The following SLC22A11 variants were observed in gnomAD, a reference collection of about 807,000 sequenced individuals.
SLC22A11 encodes organic anion transporter 4.
A neutral mutation model predicts 49.4 loss-of-function variants in SLC22A11; 42 were observed. That is an observed-to-expected ratio of 0.85 (90% CI 0.66 to 1.10). The LOEUF (loss-of-function observed/expected upper bound fraction) is 1.10, where lower values mean the gene tolerates loss of function less well. SLC22A11 is among the 50% of genes least tolerant of loss of function. SLC22A11 has a pLI of 0.00. For synonymous variants in SLC22A11, 304 were observed against 315.8 expected, an observed-to-expected ratio of 0.96 and a Z score of 0.40; for missense variants, 685 against 731.6, an observed-to-expected ratio of 0.94 and a Z score of 0.74.
chr11:64,558,095 G>T (rs577596734), intron 1 of SLC22A11, among the ~76,000 whole-genome samples: 3 of 152,238 alleles, frequency 2.0e-5, no homozygotes, highest in African/African-American at 7.2e-5. Context: ...ACCACGCTTG[G>T]TCTAATTTTT....
chr11:64,562,128 G>A lies in SLC22A11; in HGVS notation c.622G>A (p.Ala208Thr). 1 of 1,613,836 alleles carries A rather than the reference G, an allele frequency of 6.2e-7. No individual in the cohort carries two copies. The highest frequency in any genetic ancestry group is 8.5e-7 in the Non-Finnish European group (1 of 1,180,000). Reference protein sequence around the residue: ...GLRFVAAFGMAGIFLSSLTLM... With the variant: ...GLRFVAAFGMTGIFLSSLTLM... ...GCGGTTCGTGGCCGCTTTTGGGATG[G>A]CCGGCATCTTTCTGAGTTCACTGAC... Residue 208 changes from alanine to threonine, a missense_variant, in exon 3 of 10, where the codon GCC becomes ACC. Transcript: ENST00000301891. The surrounding 1 kb of genome is among the most constrained non-coding windows in gnomAD (Gnocchi z 4.4).
intron 9 of SLC22A11, 92 bp from the exon 10 acceptor site, chr11:64,570,887 C>G: frequency 8.2e-7 from 1 of 1,221,550 alleles, no homozygotes; most frequent in South Asian, 1.2e-5. Context: ...ATAGAGTTTA[C>G]CCCCCAATAA....
At chr11:64,568,997 CAG>C (rs1491392465) in intron 8 of SLC22A11, among the ~76,000 whole-genome samples, 3 of 152,172 alleles carry the variant, frequency 2.0e-5, no homozygotes, top group Non-Finnish European at 4.4e-5. Context: ...TTTTGAGCCA[CAG>C]AGTCATCTGT....
Position 64,562,237 on chromosome 11 carries a change from G to A in SLC22A11, c.653-30G>A, listed in dbSNP as rs781446103. On this transcript the variant is annotated intron_variant, in intron 3 of 9. Transcript: ENST00000301891. This position sits in a 1 kb window ranked among gnomAD's most constrained non-coding sequence, Gnocchi z 4.4. ...AATGGGGCTCAGGCCGCCGCATGAGGCCTCACCTGCACGTGTCTGCATCCT... is the reference window on the plus strand; with the variant it reads ...AATGGGGCTCAGGCCGCCGCATGAGACCTCACCTGCACGTGTCTGCATCCT... The A allele has an allele frequency of 2.5e-6, 4 of 1,600,732 alleles. No homozygotes were observed. The highest frequency in any genetic ancestry group is 3.4e-6 in the Non-Finnish European group (4 of 1,171,206).
intron 1 of SLC22A11, among the ~76,000 whole-genome samples, chr11:64,558,889 AG>A (rs1181401854): frequency 6.6e-6 from 1 of 152,126 alleles, no homozygotes; most frequent in Non-Finnish European, 1.5e-5. Flanking sequence ...CCTCTGCATG[AG>A]GGGGGCCACT....
At chr11:64,570,342 G>A (rs767446920) in intron 9 of SLC22A11, among the ~76,000 whole-genome samples, 6 of 152,198 alleles carry the variant, frequency 3.9e-5, no homozygotes, top group African/African-American at 7.2e-5. Flanking sequence ...TCTTTGACAG[G>A]GAGAAATGAG....
chr11:64,571,998 C>T lies in SLC22A11; in HGVS notation c.*956C>T, dbSNP rs1390441396. Reference sequence around the variant, plus strand: ...ACAAGCGTAGGGATAAGAGGAACCCCTCTTGGTCCCCTCGATGAGGGTTGT... The same window carrying T: ...ACAAGCGTAGGGATAAGAGGAACCCTTCTTGGTCCCCTCGATGAGGGTTGT... On this transcript the variant is annotated 3_prime_UTR_variant, in exon 10 of 10. Coordinates refer to ENST00000301891, the MANE Select transcript of SLC22A11 (RefSeq NM_018484.4). 2 of 152,280 alleles carry T rather than the reference C, an allele frequency of 1.3e-5. No individual in the cohort carries two copies. Among genetic ancestry groups the T allele is most frequent in the African/African-American group, 4.8e-5 (2 of 41,476 alleles). The allele number at this position is 152,280 out of a possible 1,614,324, so 9.4% of individuals were successfully genotyped here.
intron 7 of SLC22A11, 46 bp from the exon 8 acceptor site, chr11:64,568,624 G>T (rs1179997078): frequency 6.6e-7 from 1 of 1,526,586 alleles, no homozygotes; most frequent in Admixed American, 1.7e-5. Context: ...TAGCCCCTGG[G>T]TACCCTCCAG....
At position 64,563,610 on chromosome 11, in the gene SLC22A11, T is replaced by TAAAAA. The variant is rs869085115; in HGVS notation, c.822-674_822-670dup. On this transcript the variant is annotated intron_variant, in intron 4 of 9. Transcript: ENST00000301891. ...CTGCCTGGGGATATTTTAAATGTGCTAAAAAAAAAAAAAAAAAAAAAAAAA... is the reference window on the plus strand; with the variant it reads ...CTGCCTGGGGATATTTTAAATGTGCTAAAAAAAAAAAAAAAAAAAAAAAAAAAAAA... Among the ~76,000 whole-genome samples, 49 of 43,852 alleles carry TAAAAA rather than the reference T, an allele frequency of 1.1e-3. 4 individuals are homozygous for TAAAAA. Among genetic ancestry groups the TAAAAA allele is most frequent in the African/African-American group, 4.2e-3 (39 of 9,354 alleles). The allele number at this position is 43,852 out of a possible 152,430, so 28.8% of individuals were successfully genotyped here.
Position 64,562,301 on chromosome 11 carries a change from C to T in SLC22A11, c.687C>T (p.Val229=). 1 of 1,608,948 alleles carries T rather than the reference C, an allele frequency of 6.2e-7. No individual in the cohort carries two copies. Among genetic ancestry groups the T allele is most frequent in the African/African-American group, 1.3e-5 (1 of 74,944 alleles). ...VEWTTTSRRA[V]TMTVVGCAFS... ...GGACCACGACCAGCAGGAGGGCGGT[C>T]ACCATGACGGTGGTGGGATGTGCCT... The change falls in exon 4 of 10, where the codon GTC becomes GTT. Residue 229 remains valine, a synonymous_variant. Coordinates refer to ENST00000301891, the MANE Select transcript of SLC22A11 (RefSeq NM_018484.4). This position sits in a 1 kb window ranked among gnomAD's most constrained non-coding sequence, Gnocchi z 4.4.
At chr11:64,560,450 C>T (rs974822378) in intron 2 of SLC22A11, among the ~76,000 whole-genome samples, 5 of 152,218 alleles carry the variant, frequency 3.3e-5, no homozygotes, top group Admixed American at 2.0e-4. Flanking sequence ...CTTCCATCCA[C>T]CCCCAGCTCC....
At position 64,562,361 on chromosome 11, in the gene SLC22A11, C is replaced by T; in HGVS notation, c.747C>T (p.Ala249=). 1.2e-6 allele frequency: 2 copies of T among 1,610,804 alleles called. No individual in the cohort carries two copies. Among genetic ancestry groups the T allele is most frequent in the Non-Finnish European group, 1.7e-6 (2 of 1,178,568 alleles). The change falls in exon 4 of 10, where the codon GCC becomes GCT. Residue 249 remains alanine (A), a synonymous_variant. Coordinates refer to ENST00000301891, the MANE Select transcript of SLC22A11 (RefSeq NM_018484.4). This position sits in a 1 kb window ranked among gnomAD's most constrained non-coding sequence, Gnocchi z 4.4. ...GCCAGGCGGCGCTGGGCGGCCTGGC[C>T]TTTGCCCTGCGGGACTGGAGGACTC... ...SAGQAALGGL[A]FALRDWRTLQ... is the part of the protein sequence containing the mutation.
Position 64,571,067 on chromosome 11 carries a change from T to G in SLC22A11, c.*25T>G, listed in dbSNP as rs199825413. On this transcript the variant is annotated 3_prime_UTR_variant, in exon 10 of 10. Transcript: ENST00000301891. Reference sequence around the variant, plus strand: ...GAAATTGTGCCTGCATGGAGCCCCTTTAGTCAAAGACTCCTGGAAAGGAGT... The same window carrying G: ...GAAATTGTGCCTGCATGGAGCCCCTGTAGTCAAAGACTCCTGGAAAGGAGT... 1.2e-5 allele frequency: 20 copies of G among 1,613,694 alleles called. No individual in the cohort carries two copies. The highest frequency in any genetic ancestry group is 6.7e-5 in the Admixed American group (4 of 60,018).
At chr11:64,566,479 T>C (rs1448488509) in intron 6 of SLC22A11, 2 of 151,094 alleles carry the variant, frequency 1.3e-5, no homozygotes, top group African/African-American at 4.9e-5. Context: ...GGGACCAGTT[T>C]TTTTTTTTAA....
rs752128451 is a variant in SLC22A11, at chr11:64,559,187, T to C, written c.446T>C (p.Phe149Ser). 8 of 1,612,788 alleles carry C rather than the reference T, an allele frequency of 5.0e-6. No individual in the cohort carries two copies. The highest frequency in any genetic ancestry group is 4.0e-5 in the African/African-American group (3 of 74,848). ...QGLKPLSQSI[F>S]MSGILVGSFI... ...TTGAAGCCCCTAAGCCAGTCCATCT[T>C]CATGTCCGGGATCCTGGTGGGCTCC... The change falls in exon 2 of 10, where the codon TTC becomes TCC. Residue 149 changes from phenylalanine (F) to serine (S), a missense_variant. By Grantham distance (155) the Phe-to-Ser change is radical. Transcript: ENST00000301891.
chr11:64,569,572 C>G, intron 8 of SLC22A11, 80 bp from the exon 9 acceptor site: 1 of 1,452,440 alleles, frequency 6.9e-7, no homozygotes, highest in South Asian at 1.3e-5. Flanking sequence ...TTTCCTTCCC[C>G]TGGCATCTGT....
Position 64,571,304 on chromosome 11 carries a change from C to G in SLC22A11, c.*262C>G, listed in dbSNP as rs1183179181. On this transcript the variant is annotated 3_prime_UTR_variant, in exon 10 of 10. Transcript: ENST00000301891. ...GCCTGTGCAGATGGCCATGCCCAACCAATAACGAGACGGTTCCCCTCCCTT... is the reference window on the plus strand; with the variant it reads ...GCCTGTGCAGATGGCCATGCCCAACGAATAACGAGACGGTTCCCCTCCCTT... 9 of 481,310 alleles carry G rather than the reference C, an allele frequency of 1.9e-5. No individual in the cohort carries two copies. The highest frequency in any genetic ancestry group is 3.3e-5 in the Non-Finnish European group (9 of 269,016). The allele number at this position is 481,310 out of a possible 1,614,324, so 29.8% of individuals were successfully genotyped here. A position where few individuals can be genotyped will look rare whatever the true frequency, so the allele number is the denominator to read the frequency against.
rs752559480 is a variant in SLC22A11, at chr11:64,568,652, C to A, written c.1274-18C>A. Reference sequence around the variant, plus strand: ...CCCTCCAGGGCAAACCCCACTCTCACCCCCTTCCTGTACCCAGATTTGCAG... The same window carrying A: ...CCCTCCAGGGCAAACCCCACTCTCAACCCCTTCCTGTACCCAGATTTGCAG... On this transcript the variant is annotated intron_variant, in intron 7 of 9. Coordinates refer to ENST00000301891, the MANE Select transcript of SLC22A11 (RefSeq NM_018484.4). 2.5e-6 allele frequency: 4 copies of A among 1,609,856 alleles called. No individual in the cohort carries two copies.
At chr11:64,557,512 T>C (rs2038478899) in intron 1 of SLC22A11, among the ~76,000 whole-genome samples, 1 of 152,026 alleles carries the variant, frequency 6.6e-6, no homozygotes, top group Non-Finnish European at 1.5e-5. Flanking sequence ...AGGTCATGCA[T>C]AGAAGTATGT....
Sources: allele counts gnomAD v4.1 joint callset (sites outside exome capture counted in the v4.1 genomes callset), GRCh38; gene constraint gnomAD v4.1.1; non-coding constraint Gnocchi (gnomAD v3.1); transcripts MANE v1.5; gene names NCBI Gene and HGNC (gene_info 2026-07-23, HGNC 2026-07-21).